Variants in RAP1GDS1 observed in about 807,000 individuals in gnomAD.
The protein encoded by RAP1GDS1 is RAP1, GTP-GDP dissociation stimulator 1.
In RAP1GDS1, 35 loss-of-function variants were observed where a neutral mutation model predicts 71.1. That is an observed-to-expected ratio of 0.49 (90% CI 0.38 to 0.65). RAP1GDS1 has a LOEUF of 0.65. Among genes scored for constraint, RAP1GDS1 ranks in the 30% least tolerant of loss-of-function variants. The pLI is 0.00. For synonymous variants in RAP1GDS1, 229 were observed against 243.1 expected (o/e 0.94, Z 0.54); for missense variants, 663 against 706.1 (o/e 0.94, Z 0.69).
At chr4:98,270,075 T>C (rs1322714016) in intron 1 of RAP1GDS1, among the ~76,000 whole-genome samples, 3 of 152,142 alleles carry the variant, frequency 2.0e-5, no homozygotes, top group Non-Finnish European at 4.4e-5. Flanking sequence ...TGAGGCCTAG[T>C]TGCTGTGTCC....
intron 3 of RAP1GDS1, among the ~76,000 whole-genome samples, chr4:98,346,762 TC>T (rs1261368062): frequency 2.0e-5 from 3 of 152,124 alleles, no homozygotes; most frequent in Non-Finnish European, 4.4e-5. Context: ...GCCAGGCTGG[TC>T]TCGAACTCCT....
chr4:98,295,494 A>C (rs1246667386), intron 2 of RAP1GDS1, among the ~76,000 whole-genome samples: 1 of 152,094 alleles, frequency 6.6e-6, no homozygotes, highest in Non-Finnish European at 1.5e-5. Flanking sequence ...TATGTTTAGC[A>C]CTGGGCTGGG....
At chr4:98,366,757 C>G (rs763999783) in intron 4 of RAP1GDS1, among the ~76,000 whole-genome samples, 4 of 152,084 alleles carry the variant, frequency 2.6e-5, no homozygotes, top group Non-Finnish European at 4.4e-5. Context: ...TGCCCCTGCC[C>G]TAGAGATTTG....
intron 2 of RAP1GDS1, among the ~76,000 whole-genome samples, chr4:98,320,243 A>T (rs1419517561): frequency 2.0e-5 from 3 of 152,186 alleles, no homozygotes; most frequent in African/African-American, 7.2e-5. Flanking sequence ...TTATTCTTTT[A>T]TCAGCAATAA....
At chr4:98,290,280 C>T (rs2110273929) in intron 1 of RAP1GDS1, among the ~76,000 whole-genome samples, 1 of 152,152 alleles carries the variant, frequency 6.6e-6, no homozygotes, top group East Asian at 1.9e-4. Context: ...TGAAAAATGC[C>T]ACCACAAATA....
intron 2 of RAP1GDS1, among the ~76,000 whole-genome samples, chr4:98,329,100 G>C (rs1733563836): frequency 6.6e-6 from 1 of 152,108 alleles, no homozygotes; most frequent in African/African-American, 2.4e-5. Context: ...CACAACCAGT[G>C]TATTTTATTG....
chr4:98,377,975 C>G (rs1319764356), intron 4 of RAP1GDS1, among the ~76,000 whole-genome samples: 2 of 151,632 alleles, frequency 1.3e-5, no homozygotes, highest in Non-Finnish European at 3.0e-5. Flanking sequence ...GATGATAATA[C>G]AAAATATTTT....
intron 3 of RAP1GDS1, 34 bp from the exon 4 acceptor site, chr4:98,352,442 T>TA (rs1737351960): frequency 6.2e-7 from 1 of 1,603,640 alleles, no homozygotes; most frequent in Admixed American, 1.7e-5. Flanking sequence ...TGTGAATCGT[T>TA]AGATTTTTAA....
chr4:98,431,830 G>T (rs755566701), intron 12 of RAP1GDS1, among the ~76,000 whole-genome samples: 2 of 152,154 alleles, frequency 1.3e-5, no homozygotes, highest in Non-Finnish European at 2.9e-5. Flanking sequence ...TGACGAATAC[G>T]ATGTTTTATC....
intron 9 of RAP1GDS1, among the ~76,000 whole-genome samples, chr4:98,417,834 C>CA (rs1216206947): frequency 6.6e-6 from 1 of 152,096 alleles, no homozygotes; most frequent in Admixed American, 6.6e-5. Context: ...TCTGAGTATT[C>CA]ATTCTAGGAT....
At chr4:98,298,364 T>C (rs1728085506) in intron 2 of RAP1GDS1, among the ~76,000 whole-genome samples, 1 of 152,130 alleles carries the variant, frequency 6.6e-6, no homozygotes, top group Non-Finnish European at 1.5e-5. Context: ...ACCTAGGACT[T>C]TTATAACTAG....
At chr4:98,342,483 G>C (rs1735626797) in intron 2 of RAP1GDS1, among the ~76,000 whole-genome samples, 1 of 141,394 alleles carries the variant, frequency 7.1e-6, no homozygotes, top group Non-Finnish European at 1.5e-5. Flanking sequence ...GTTTTTATAG[G>C]CCCATTATTT....
At chr4:98,312,057 G>A (rs1560815342) in intron 2 of RAP1GDS1, among the ~76,000 whole-genome samples, 1 of 152,172 alleles carries the variant, frequency 6.6e-6, no homozygotes, top group East Asian at 1.9e-4. Context: ...GGTAAATAAT[G>A]GAAAGCAGTG....
intron 7 of RAP1GDS1, among the ~76,000 whole-genome samples, chr4:98,405,418 G>A (rs1745973510): frequency 6.6e-6 from 1 of 152,026 alleles, no homozygotes; most frequent in Non-Finnish European, 1.5e-5. Flanking sequence ...AATCCAATAT[G>A]AACTAAAAGG....
intron 2 of RAP1GDS1, among the ~76,000 whole-genome samples, chr4:98,312,449 C>G (rs1578397331): frequency 6.6e-6 from 1 of 152,118 alleles, no homozygotes; most frequent in African/African-American, 2.4e-5. Flanking sequence ...CTAACAAATC[C>G]TCTGTATTTG....
At chr4:98,355,064 T>C (rs1737753268) in intron 4 of RAP1GDS1, among the ~76,000 whole-genome samples, 1 of 152,228 alleles carries the variant, frequency 6.6e-6, no homozygotes, top group Admixed American at 6.5e-5. Flanking sequence ...TATACTTGAA[T>C]TACAAGAATA....
At chr4:98,355,765 A>G (rs1737868741) in intron 4 of RAP1GDS1, among the ~76,000 whole-genome samples, 1 of 152,202 alleles carries the variant, frequency 6.6e-6, no homozygotes, top group African/African-American at 2.4e-5. Context: ...GACAGTGCCC[A>G]TTTTAGGAAC....
chr4:98,416,582 C>A (rs1016019975), intron 7 of RAP1GDS1, among the ~76,000 whole-genome samples, 163 bp from the exon 8 acceptor site: 8 of 151,658 alleles, frequency 5.3e-5, no homozygotes, highest in Admixed American at 3.3e-4. Context: ...GATCTCCTGA[C>A]CTTGTGATCC....
Position 98,436,978 on chromosome 4 carries a change from C to G in RAP1GDS1, c.1606C>G (p.Gln536Glu). The G allele has an allele frequency of 6.2e-7, 1 of 1,611,702 alleles. No homozygotes were observed. Among genetic ancestry groups the G allele is most frequent in the East Asian group, 2.2e-5 (1 of 44,720 alleles). The stretch of plus-strand genomic sequence containing the variant: ...AGATCTAGAAAGTGCTAAACTTGTA[C>G]AGATTTTACATAGACTGCTAGCAGA... The part of the protein sequence containing the change: ...EKDLESAKLV[Q>E]ILHRLLADER... The change falls in exon 14 of 15, where the codon CAG becomes GAG. Residue 536 changes from glutamine (Q) to glutamate (E), a missense_variant. Physicochemically the swap from Gln to Glu is conservative, Grantham distance 29. Coordinates refer to ENST00000408927, the MANE Select transcript of RAP1GDS1 (RefSeq NM_001100427.2).
Sources: gnomAD v4.1 joint callset for allele counts (sites outside exome capture counted in the v4.1 genomes callset) on GRCh38, gnomAD v4.1.1 for gene constraint, MANE v1.5 for transcripts, NCBI Gene and HGNC (gene_info 2026-07-23, HGNC 2026-07-21) for gene names.